TRIML1: variants seen among roughly 807,000 people sequenced by gnomAD.
The protein encoded by TRIML1 is tripartite motif family like 1, also known as probable E3 ubiquitin-protein ligase TRIML1.
In TRIML1, 34 loss-of-function variants were observed where a neutral mutation model predicts 32.3. The observed-to-expected ratio is 1.05, with a 90% CI of 0.80 to 1.40. The LOEUF is 1.40. Among genes scored for constraint, TRIML1 ranks in the 40% most tolerant of loss-of-function variants. The probability of loss-of-function intolerance (pLI) is 0.00; values close to 1 mark genes in which losing one functional copy is unlikely to be tolerated. For missense variants in TRIML1, 595 were observed against 574.9 expected (o/e 1.03, Z -0.36); for synonymous variants, 244 against 226.6 (o/e 1.08, Z -0.69).
chr4:188,143,371 A>G (rs1029140085), intron 3 of TRIML1: 1 of 167,682 alleles, frequency 6.0e-6, no homozygotes, highest in Non-Finnish European at 1.3e-5. Flanking sequence ...TTTCTTAAAC[A>G]TAAGCCATGT....
chr4:188,142,237 TGTG>T lies in TRIML1; in HGVS notation c.505-14_505-12del. 1 of 1,466,602 alleles carries T rather than the reference TGTG, an allele frequency of 6.8e-7. No homozygotes were observed. The highest frequency in any genetic ancestry group is 9.5e-7 in the Non-Finnish European group (1 of 1,052,218). 90.8% of individuals were successfully genotyped at this position (1,466,602 alleles called of 1,614,324 possible). Reference sequence around the variant, plus strand: ...GTGTGTGTGTGTGTGTGTGTGTGTGTGTGTGTTTTGGCAGGAAGAAACAAAGAC... The same window carrying T: ...GTGTGTGTGTGTGTGTGTGTGTGTGTTGTTTTGGCAGGAAGAAACAAAGAC... On this transcript the variant is annotated splice_polypyrimidine_tract_variant and intron_variant, in intron 2 of 5. Coordinates refer to ENST00000332517, the MANE Select transcript of TRIML1 (RefSeq NM_178556.5).
At chr4:188,138,357 G>T (rs939025101), upstream of TRIML1, among the ~76,000 whole-genome samples, 1 of 152,126 alleles carries the variant, frequency 6.6e-6, no homozygotes, top group Non-Finnish European at 1.5e-5. Flanking sequence ...TAATGGACCC[G>T]ACTCGTGGAA....
intron 1 of TRIML1, 32 bp downstream of exon 1, chr4:188,139,998 C>A (rs765842592): frequency 1.3e-6 from 2 of 1,552,282 alleles, no homozygotes; most frequent in East Asian, 2.3e-5. Flanking sequence ...AACCCCACGA[C>A]TCATCGCAGC....
At chr4:188,143,058 CTTT>C (rs34776156) in intron 3 of TRIML1, 4 of 140,476 alleles carry the variant, frequency 2.8e-5, no homozygotes, top group African/African-American at 5.3e-5. Flanking sequence ...TCTTCAGGAC[CTTT>C]TTTTTTTTTT....
At chr4:188,138,619 G>A (rs1321700406), upstream of TRIML1, among the ~76,000 whole-genome samples, 4 of 152,010 alleles carry the variant, frequency 2.6e-5, no homozygotes, top group Admixed American at 6.6e-5. Flanking sequence ...TCATATGTCC[G>A]AAAAAATGTC....
rs1448021780 is a variant in TRIML1, at chr4:188,143,841, G to T, written c.739G>T (p.Val247Leu). Residue 247 changes from valine to leucine, a missense_variant, in exon 4 of 6, where the codon GTG becomes TTG. By Grantham distance (32) the Val-to-Leu change is conservative. Coordinates refer to ENST00000332517, the MANE Select transcript of TRIML1 (RefSeq NM_178556.5). ...QSSAFESLEE[V>L]RGALERSEPL... ...CTTCTTTCTTTTTTACCCGTAGGAA[G>T]TGAGAGGAGCCCTGGAAAGGTAGGC... The T allele has an allele frequency of 3.7e-6, 6 of 1,614,078 alleles. No individual in the cohort carries two copies. The South Asian group carries it at 4.4e-5, about 12-fold the overall frequency.
chr4:188,144,814 G>C (rs2111234774), intron 5 of TRIML1, among the ~76,000 whole-genome samples: 1 of 152,188 alleles, frequency 6.6e-6, no homozygotes, highest in Middle Eastern at 3.4e-3. Flanking sequence ...CCCAGTGAGG[G>C]TGCATTCAAC....
chr4:188,139,895 A>G lies in TRIML1; in HGVS notation c.337A>G (p.Ser113Gly). The G allele has an allele frequency of 6.2e-7, 1 of 1,613,874 alleles. No homozygotes were observed. Among genetic ancestry groups the G allele is most frequent in the Non-Finnish European group, 8.5e-7 (1 of 1,180,028 alleles). The part of the protein sequence containing the change: ...KALSDDEQGG[S>G]AFVAQSHGAN... ...GCTCTCCGATGACGAGCAGGGTGGA[A>G]GCGCCTTCGTAGCCCAGAGCCATGG... The change falls in exon 1 of 6, where the codon AGC becomes GGC. Residue 113 changes from serine to glycine, a missense_variant. Coordinates refer to ENST00000332517, the MANE Select transcript of TRIML1 (RefSeq NM_178556.5).
chr4:188,148,610 TTG>T (rs1448576111), downstream of TRIML1, among the ~76,000 whole-genome samples: 8 of 152,130 alleles, frequency 5.3e-5, no homozygotes, highest in East Asian at 1.6e-3. Flanking sequence ...AGGTGTTTGT[TTG>T]TTTGTTTTAA....
rs151086325 is a variant in TRIML1 at position 188,146,572 on chromosome 4, G to A, written c.857-250G>A. Among the ~76,000 whole-genome samples the A allele has an allele frequency of 6.0e-4, 91 of 152,120 alleles. 1 individual carries two copies. In the East Asian group the frequency reaches 0.014, roughly 23 times the overall value. ...TTACAAGCACGTGCCACCATGCCTG[G>A]CTATGTTTTGTATTTTTAGTAGAGA... On this transcript the variant is annotated intron_variant, in intron 5 of 5. Transcript: ENST00000332517.
At chr4:188,137,916 C>CTTTTTTTTTTTTTTT (rs1298700958), upstream of TRIML1, among the ~76,000 whole-genome samples, 5 of 131,522 alleles carry the variant, frequency 3.8e-5, 1 homozygote, top group African/African-American at 2.8e-5. Context: ...CCTGGCCAAA[C>CTTTTTTTTTTTTTTT]TTTTTTTCTT....
Position 188,139,723 on chromosome 4 carries a change from G to A in TRIML1, c.165G>A (p.Glu55=). 6.2e-7 allele frequency: 1 copy of A among 1,614,042 alleles called. No homozygotes were observed. The highest frequency in any genetic ancestry group is 2.2e-5 in the East Asian group (1 of 44,858). The change falls in exon 1 of 6, where the codon GAG becomes GAA. Residue 55 remains glutamate (E), a synonymous_variant. Transcript: ENST00000332517. ...ATAACACACCTTTATCTTGTCCTGA[G>A]TGCTGGAGGACCTTGGAGGGCCCGC... is the stretch of plus-strand genomic sequence containing the variant. ...EEHNTPLSCP[E]CWRTLEGPHF...
In TRIML1 at chr4:188,146,975, C is replaced by A. The variant is rs1158298795; in HGVS notation, c.1010C>A (p.Thr337Asn). Residue 337 changes from threonine (T) to asparagine (N), a missense_variant, in exon 6 of 6, where the codon ACC (threonine) becomes AAC (asparagine). Transcript: ENST00000332517. ...SATVLGTQIF[T>N]SGRHYWEVEV... Reference sequence around the variant, plus strand: ...ACTGTGCTGGGTACTCAGATCTTCACCAGTGGGAGACACTACTGGGAGGTG... The same window carrying A: ...ACTGTGCTGGGTACTCAGATCTTCAACAGTGGGAGACACTACTGGGAGGTG... 3 of 1,563,388 alleles carry A rather than the reference C, an allele frequency of 1.9e-6. No homozygotes were observed. The highest frequency in any genetic ancestry group is 1.4e-5 in the African/African-American group (1 of 73,462).
At chr4:188,142,216 GTGTGT>G in intron 2 of TRIML1, 31 bp from the exon 3 acceptor site, 2 of 732,040 alleles carry the variant, frequency 2.7e-6, no homozygotes, top group Non-Finnish European at 1.9e-6. Flanking sequence ...TCGTGTGTGT[GTGTGT>G]GTGTGTGTGT....
chr4:188,137,757 A>G (rs1376326650), upstream of TRIML1, among the ~76,000 whole-genome samples: 1 of 151,606 alleles, frequency 6.6e-6, no homozygotes, highest in African/African-American at 2.4e-5. Flanking sequence ...GATTACAGGC[A>G]TGAACCACTG....
In TRIML1 at chr4:188,139,470, C is replaced by A; in HGVS notation, c.-89C>A. ...TAACAACATAGGAACAGGTCACCCGCGTGTTACTCAAAACTGTAGGACGGC... is the reference window on the plus strand; with the variant it reads ...TAACAACATAGGAACAGGTCACCCGAGTGTTACTCAAAACTGTAGGACGGC... On this transcript the variant is annotated 5_prime_UTR_variant, in exon 1 of 6. Transcript: ENST00000332517. 1 of 1,321,334 alleles carries A rather than the reference C, an allele frequency of 7.6e-7. No individual in the cohort carries two copies. The highest frequency in any genetic ancestry group is 1.0e-6 in the Non-Finnish European group (1 of 961,582). The allele number at this position is 1,321,334 out of a possible 1,614,324, so 81.9% of individuals were successfully genotyped here.
chr4:188,144,035 G>A lies in TRIML1; in HGVS notation c.759-1G>A. 6.2e-7 allele frequency: 1 copy of A among 1,613,620 alleles called. No homozygotes were observed. The highest frequency in any genetic ancestry group is 8.5e-7 in the Non-Finnish European group (1 of 1,179,768). ...GAGTGAACCTCTCTGCTCTCTTGCA[G>A]GAGCGAGCCACTCTTGCTTCAGTGT... On this transcript the variant is annotated splice_acceptor_variant, in intron 4 of 5. Coordinates refer to ENST00000332517, the MANE Select transcript of TRIML1 (RefSeq NM_178556.5). LOFTEE classifies it high-confidence loss of function.
chr4:188,140,066 G>T (rs1380820665), intron 1 of TRIML1, 100 bp downstream of exon 1: 5 of 1,279,478 alleles, frequency 3.9e-6, no homozygotes, highest in Non-Finnish European at 5.4e-6. Flanking sequence ...CAGTCACGAG[G>T]GCCCATCTGA....
At chr4:188,148,764 G>T (rs1027956547), downstream of TRIML1, among the ~76,000 whole-genome samples, 2 of 151,726 alleles carry the variant, frequency 1.3e-5, no homozygotes, top group Non-Finnish European at 2.9e-5. Flanking sequence ...CATCATTCCC[G>T]GCTAGTTTTT....
Sources: allele counts gnomAD v4.1 joint callset (sites outside exome capture counted in the v4.1 genomes callset), GRCh38; gene constraint gnomAD v4.1.1; transcripts MANE v1.5; gene names NCBI Gene and HGNC (gene_info 2026-07-23, HGNC 2026-07-21).